The following TRPC4 variants were observed in gnomAD, a reference collection of about 807,000 sequenced individuals.
TRPC4 encodes the protein transient receptor potential cation channel subfamily C member 4.
TRPC4 carries 49 observed loss-of-function variants against 99.4 expected under a neutral mutation model. That is an observed-to-expected ratio of 0.49 (90% CI 0.39 to 0.63). The LOEUF (loss-of-function observed/expected upper bound fraction) is 0.63, where lower values mean the gene tolerates loss of function less well. Among genes scored for constraint, TRPC4 ranks in the 20% least tolerant of loss-of-function variants. The probability of loss-of-function intolerance (pLI) is 0.00; values close to 1 mark genes in which losing one functional copy is unlikely to be tolerated. For synonymous variants in TRPC4, 454 were observed against 425.9 expected (o/e 1.07, Z -0.81); for missense variants, 898 against 1,152.9 (o/e 0.78, Z 3.20).
intron 3 of TRPC4, among the ~76,000 whole-genome samples, chr13:37,737,682 C>G (rs1044582854): frequency 3.9e-5 from 6 of 152,080 alleles, no homozygotes; most frequent in Non-Finnish European, 7.4e-5. Flanking sequence ...CTATGTTGCC[C>G]AAGCTGGTCT....
chr13:37,678,150 A>C (rs1953121133), intron 4 of TRPC4, among the ~76,000 whole-genome samples: 1 of 66,724 alleles, frequency 1.5e-5, no homozygotes, highest in Non-Finnish European at 3.6e-5. Context: ...TACAGCTCTG[A>C]ATGCTTTATC....
intron 1 of TRPC4, among the ~76,000 whole-genome samples, chr13:37,846,750 A>T (rs1346583027): frequency 6.6e-6 from 1 of 152,114 alleles, no homozygotes; most frequent in East Asian, 1.9e-4. Flanking sequence ...TAAATTCTTC[A>T]ATAAAAAGAC....
intron 1 of TRPC4, among the ~76,000 whole-genome samples, chr13:37,820,670 G>A (rs1957985380): frequency 1.3e-5 from 2 of 151,942 alleles, no homozygotes; most frequent in African/African-American, 4.8e-5. Context: ...CACATAAATG[G>A]AACTAAAAAT....
At chr13:37,856,745 G>A (rs1042803693) in intron 1 of TRPC4, among the ~76,000 whole-genome samples, 1 of 151,602 alleles carries the variant, frequency 6.6e-6, no homozygotes, top group African/African-American at 2.4e-5. Context: ...ATCAATCAGT[G>A]TGATACATCA....
chr13:37,784,705 A>G (rs118155222), intron 1 of TRPC4, among the ~76,000 whole-genome samples: 3,721 of 152,148 alleles, frequency 0.024, 64 homozygotes, highest in Non-Finnish European at 0.038. Flanking sequence ...ATAATGTTTT[A>G]ACCATAGATT....
chr13:37,701,634 G>A (rs956531972), intron 3 of TRPC4, among the ~76,000 whole-genome samples: 1 of 152,018 alleles, frequency 6.6e-6, no homozygotes, highest in African/African-American at 2.4e-5. Flanking sequence ...GACAAATCAT[G>A]AGGCAGGGTG....
intron 1 of TRPC4, among the ~76,000 whole-genome samples, chr13:37,848,807 G>A (rs1958980102): frequency 6.6e-6 from 1 of 152,142 alleles, no homozygotes; most frequent in African/African-American, 2.4e-5. Flanking sequence ...AAGGTATGTG[G>A]GGAGTAAAGA....
chr13:37,798,481 G>A (rs767349913), intron 1 of TRPC4, among the ~76,000 whole-genome samples: 5 of 152,022 alleles, frequency 3.3e-5, no homozygotes, highest in Non-Finnish European at 7.4e-5. Context: ...GGAAGCTGAC[G>A]GTTGATATTT....
At chr13:37,856,846 C>T (rs901126932) in intron 1 of TRPC4, among the ~76,000 whole-genome samples, 2 of 151,450 alleles carry the variant, frequency 1.3e-5, no homozygotes, top group Non-Finnish European at 3.0e-5. Flanking sequence ...AATTCAACAT[C>T]CTTCATGATA....
intron 6 of TRPC4, among the ~76,000 whole-genome samples, chr13:37,658,590 G>C (rs1041070138): frequency 6.6e-6 from 1 of 152,040 alleles, no homozygotes; most frequent in African/African-American, 2.4e-5. Flanking sequence ...CAACCATTAG[G>C]AATACAGCTC....
At chr13:37,727,287 AAAATCAC>A (rs1483746798) in intron 3 of TRPC4, among the ~76,000 whole-genome samples, 1 of 152,118 alleles carries the variant, frequency 6.6e-6, no homozygotes, top group Non-Finnish European at 1.5e-5. Flanking sequence ...GCAAAATGGA[AAAATCAC>A]AAATTTGTGA....
chr13:37,826,412 C>T lies in TRPC4; in HGVS notation c.-27-43052G>A, dbSNP rs1298956759. On this transcript the variant is annotated intron_variant, in intron 1 of 10. Coordinates refer to ENST00000379705, the MANE Select transcript of TRPC4 (RefSeq NM_016179.4). The stretch of plus-strand genomic sequence containing the variant: ...GGCATGATTTTGCAGCGGCTGGTAC[C>T]GGTTGTTCCTTTCCATGTTTAGCGC... Among the ~76,000 whole-genome samples the T allele has an allele frequency of 1.0e-4, 14 of 134,434 alleles. No homozygotes were observed. In the South Asian group the frequency reaches 2.2e-3, roughly 21 times the overall value. The allele number at this position is 134,434 out of a possible 152,430, so 88.2% of individuals were successfully genotyped here.
chr13:37,757,196 A>G (rs1956119582), intron 2 of TRPC4, among the ~76,000 whole-genome samples: 1 of 152,124 alleles, frequency 6.6e-6, no homozygotes, highest in African/African-American at 2.4e-5. Flanking sequence ...TATATCAGAT[A>G]TATAGTGTAA....
chr13:37,747,315 A>G (rs2139170977), intron 2 of TRPC4, among the ~76,000 whole-genome samples: 1 of 152,280 alleles, frequency 6.6e-6, no homozygotes, highest in African/African-American at 2.4e-5. Flanking sequence ...AAGGTCTACA[A>G]TCTGATCTGC....
intron 8 of TRPC4, among the ~76,000 whole-genome samples, chr13:37,642,744 T>C (rs969600485): frequency 2.6e-5 from 4 of 151,102 alleles, no homozygotes; most frequent in African/African-American, 9.7e-5. Flanking sequence ...TTCTTTTTTT[T>C]TTTTTTTTTT....
chr13:37,864,761 T>C (rs1959627188), intron 1 of TRPC4, among the ~76,000 whole-genome samples: 1 of 151,656 alleles, frequency 6.6e-6, no homozygotes, highest in Non-Finnish European at 1.5e-5. Flanking sequence ...TGAAGGAAAC[T>C]TTCAAGGATA....
chr13:37,709,129 G>A (rs1453959155), intron 3 of TRPC4, among the ~76,000 whole-genome samples: 1 of 151,876 alleles, frequency 6.6e-6, no homozygotes, highest in East Asian at 1.9e-4. Context: ...AACTTGAGGA[G>A]TCACATTTAA....
intron 1 of TRPC4, among the ~76,000 whole-genome samples, chr13:37,807,172 T>C (rs1417505924): frequency 6.6e-6 from 1 of 152,004 alleles, no homozygotes; most frequent in Non-Finnish European, 1.5e-5. Context: ...TTTCTTTTTC[T>C]CTCTCTTCTC....
chr13:37,696,521 T>A (rs1349193848), intron 3 of TRPC4, among the ~76,000 whole-genome samples: 1 of 152,256 alleles, frequency 6.6e-6, no homozygotes, highest in Non-Finnish European at 1.5e-5. Context: ...ACTGTAGTCA[T>A]TCTCTATAGG....
Sources: allele counts gnomAD v4.1 joint callset (sites outside exome capture counted in the v4.1 genomes callset), GRCh38; gene constraint gnomAD v4.1.1; transcripts MANE v1.5; gene names NCBI Gene and HGNC (gene_info 2026-07-23, HGNC 2026-07-21).